SOX6: variants seen among roughly 807,000 people sequenced by gnomAD.
SOX6 encodes the protein SRY-box transcription factor 6, also known as transcription factor SOX-6.
SOX6 carries 11 observed loss-of-function variants against 97.8 expected under a neutral mutation model. That is an observed-to-expected ratio of 0.11 (90% CI 0.07 to 0.19). SOX6 has a LOEUF of 0.19. SOX6 is among the 10% of genes least tolerant of loss of function. SOX6 has a pLI of 1.00. For missense variants in SOX6, 810 were observed against 1,039.5 expected, an observed-to-expected ratio of 0.78 and a Z score of 3.04; for synonymous variants, 360 against 371.4, an observed-to-expected ratio of 0.97 and a Z score of 0.35.
chr11:16,466,930 C>CAAAAAAAA (rs764424447), intron 1 of SOX6, among the ~76,000 whole-genome samples: 4 of 41,550 alleles, frequency 9.6e-5, no homozygotes, highest in Non-Finnish European at 1.3e-4. Context: ...GACTCCGTCT[C>CAAAAAAAA]AAAAAAAAAA....
chr11:16,078,811 T>C (rs1032182240), intron 9 of SOX6, among the ~76,000 whole-genome samples: 4 of 152,124 alleles, frequency 2.6e-5, no homozygotes, highest in Non-Finnish European at 5.9e-5. Flanking sequence ...GAGTAAGCCA[T>C]GTCATTATAT....
chr11:16,647,119 C>T (rs1849026456), intron 3 of SOX6, among the ~76,000 whole-genome samples: 1 of 152,014 alleles, frequency 6.6e-6, no homozygotes, highest in Non-Finnish European at 1.5e-5. Context: ...TTTTGATTTG[C>T]ATTTGTGGAT....
chr11:16,317,179 T>C (rs1855778229), intron 3 of SOX6: 1 of 151,568 alleles, frequency 6.6e-6, no homozygotes, highest in South Asian at 2.1e-4. Flanking sequence ...ATCAAAGTGC[T>C]AATAATCTCA....
At chr11:16,451,771 G>A (rs1226883866) in intron 1 of SOX6, among the ~76,000 whole-genome samples, 2 of 151,934 alleles carry the variant, frequency 1.3e-5, no homozygotes. Flanking sequence ...AGGTGCGCTG[G>A]CTGATGCCTC....
chr11:16,449,223 T>TA (rs2133094068), intron 1 of SOX6, among the ~76,000 whole-genome samples: 1 of 150,586 alleles, frequency 6.6e-6, no homozygotes, highest in South Asian at 2.1e-4. Context: ...CGAGCAGAAG[T>TA]ATTGGGTTTC....
chr11:16,081,907 G>A (rs1055603603), intron 9 of SOX6, among the ~76,000 whole-genome samples: 3 of 151,996 alleles, frequency 2.0e-5, no homozygotes, highest in Admixed American at 1.3e-4. Flanking sequence ...CCACATTATC[G>A]GCATACAAAA....
At chr11:16,633,046 C>G (rs901879456) in intron 3 of SOX6, among the ~76,000 whole-genome samples, 3 of 152,174 alleles carry the variant, frequency 2.0e-5, no homozygotes, top group African/African-American at 7.2e-5. Context: ...GAGGGCCTCC[C>G]TGTACCAGGA....
intron 3 of SOX6, among the ~76,000 whole-genome samples, chr11:16,640,686 G>C (rs1416220747): frequency 2.2e-4 from 33 of 152,124 alleles, no homozygotes; most frequent in Admixed American, 2.2e-3. Context: ...AGATTTTCTA[G>C]TTAATTTGCG....
rs557295149 is a variant in SOX6, at chr11:16,028,767, G to A, written c.1624-13717C>T. Among the ~76,000 whole-genome samples, 58 of 152,256 alleles carry A rather than the reference G, an allele frequency of 3.8e-4. No homozygotes were observed. The South Asian group carries it at 5.2e-3, about 14-fold the overall frequency. ...TCATCAGAGAGCCAGCAAACAGAGC[G>A]GATGGGTGCGAGTGCTTTTATTCCC... On this transcript the variant is annotated intron_variant, in intron 12 of 15. Coordinates refer to ENST00000683767, the MANE Select transcript of SOX6 (RefSeq NM_001367873.1).
At chr11:16,273,312 C>G (rs1854308527) in intron 3 of SOX6, among the ~76,000 whole-genome samples, 2 of 151,888 alleles carry the variant, frequency 1.3e-5, no homozygotes, top group South Asian at 4.1e-4. Context: ...TTGTTATCTT[C>G]TTCATTTTCA....
chr11:16,193,307 T>C (rs1020136131), intron 4 of SOX6, among the ~76,000 whole-genome samples: 5 of 152,022 alleles, frequency 3.3e-5, no homozygotes, highest in Admixed American at 1.3e-4. Flanking sequence ...AGGAGGTTGA[T>C]GCTGCAGTGA....
At chr11:16,122,752 G>T (rs1043833803) in intron 6 of SOX6, among the ~76,000 whole-genome samples, 2 of 152,020 alleles carry the variant, frequency 1.3e-5, no homozygotes, top group Non-Finnish European at 2.9e-5. Flanking sequence ...CTCTGTAAAA[G>T]ACTTTGCACA....
At chr11:16,051,818 T>C (rs1192647489) in intron 10 of SOX6, among the ~76,000 whole-genome samples, 3 of 152,150 alleles carry the variant, frequency 2.0e-5, no homozygotes, top group Non-Finnish European at 4.4e-5. Context: ...CTTTCTTCCT[T>C]TTCTTTCTGG....
chr11:16,486,111 T>G (rs1025112846), intron 4 of SOX6, among the ~76,000 whole-genome samples: 1 of 151,826 alleles, frequency 6.6e-6, no homozygotes, highest in African/African-American at 2.4e-5. Flanking sequence ...TTCCAAAAAC[T>G]ATTTACAGAA....
intron 1 of SOX6, chr11:16,402,657 AC>A (rs1408597573): frequency 6.2e-7 from 1 of 1,610,480 alleles, no homozygotes; most frequent in East Asian, 2.2e-5. Flanking sequence ...AAACTCTCTT[AC>A]CCCATTTTTC....
chr11:16,407,009 C>T (rs1006858448), intron 1 of SOX6, among the ~76,000 whole-genome samples: 24 of 152,098 alleles, frequency 1.6e-4, no homozygotes, highest in African/African-American at 5.8e-4. Flanking sequence ...TACAAGTTCA[C>T]ATTTTTGTGT....
chr11:16,424,979 C>A (rs1247530337), intron 1 of SOX6, among the ~76,000 whole-genome samples: 2 of 151,536 alleles, frequency 1.3e-5, no homozygotes, highest in Non-Finnish European at 2.9e-5. Context: ...TGTGGGATAG[C>A]AAAGAAAAAA....
intron 2 of SOX6, among the ~76,000 whole-genome samples, chr11:16,336,907 C>T (rs1856479402): frequency 6.6e-6 from 1 of 152,142 alleles, no homozygotes. Context: ...ATTCCAATTT[C>T]AGCTCAAATG....
rs1853844340 is a variant in SOX6, at chr11:15,986,492, A to ACCTTC, written c.1967-77_1967-73dup. Reference sequence around the variant, plus strand: ...ATTCTAGGCAAACACAACTAGATATACCTTCCCATCACTTCACTCATCTGT... The same window carrying ACCTTC: ...ATTCTAGGCAAACACAACTAGATATACCTTCCCTTCCCATCACTTCACTCATCTGT... On this transcript the variant is annotated intron_variant, in intron 14 of 15. Coordinates refer to ENST00000683767, the MANE Select transcript of SOX6 (RefSeq NM_001367873.1). 6 of 1,429,964 alleles carry ACCTTC rather than the reference A, an allele frequency of 4.2e-6. No homozygotes were observed. The East Asian group carries it at 1.4e-4, about 33-fold the overall frequency. The allele number at this position is 1,429,964 out of a possible 1,614,324, so 88.6% of individuals were successfully genotyped here. A position where few individuals can be genotyped will look rare whatever the true frequency, so the allele number is the denominator to read the frequency against.
Sources: allele counts gnomAD v4.1 joint callset (sites outside exome capture counted in the v4.1 genomes callset), GRCh38; gene constraint gnomAD v4.1.1; transcripts MANE v1.5; gene names NCBI Gene and HGNC (gene_info 2026-07-23, HGNC 2026-07-21).